Variants in CD274 observed in about 807,000 individuals in gnomAD.
CD274 encodes the protein programmed cell death 1 ligand 1.
CD274 carries 8 observed loss-of-function variants against 30.1 expected under a neutral mutation model. The ratio of observed to expected loss-of-function variants is 0.27; its 90% CI spans 0.16 to 0.48. The LOEUF (loss-of-function observed/expected upper bound fraction) is 0.48, where lower values mean the gene tolerates loss of function less well. Ranked by LOEUF, CD274 falls within the 20% of genes least tolerant of loss-of-function variation. The pLI is 0.99. For missense variants in CD274, 353 were observed against 346.6 expected, an observed-to-expected ratio of 1.02 and a Z score of -0.15; for synonymous variants, 152 against 124.6, an observed-to-expected ratio of 1.22 and a Z score of -1.46.
intron 4 of CD274, among the ~76,000 whole-genome samples, chr9:5,464,956 G>A (rs1442136820): frequency 6.6e-6 from 1 of 151,982 alleles, no homozygotes; most frequent in East Asian, 1.9e-4. Context: ...GTGTGGTGGT[G>A]TGCACCTGTA....
intron 1 of CD274, 75 bp from the exon 2 acceptor site, chr9:5,456,025 C>A (rs1233241269): frequency 1.2e-6 from 1 of 862,724 alleles, no homozygotes; most frequent in East Asian, 2.5e-5. Context: ...GTTAGAACCA[C>A]CAAGTCCCAT....
At chr9:5,462,135 T>G (rs1399085328) in intron 3 of CD274, among the ~76,000 whole-genome samples, 2 of 152,134 alleles carry the variant, frequency 1.3e-5, no homozygotes, top group Non-Finnish European at 2.9e-5. Context: ...AAGAACAAAT[T>G]TAAACATTAA....
intron 2 of CD274, 46 bp downstream of exon 2, chr9:5,456,211 TA>T: frequency 7.9e-7 from 1 of 1,258,450 alleles, no homozygotes; most frequent in South Asian, 1.3e-5. Flanking sequence ...TTAAATATTT[TA>T]ACCATGAGTT....
At position 5,467,884 on chromosome 9, in the gene CD274, C is replaced by T; in HGVS notation, c.*22C>T. 1 of 1,601,702 alleles carries T rather than the reference C, an allele frequency of 6.2e-7. No individual in the cohort carries two copies. The highest frequency in any genetic ancestry group is 8.6e-7 in the Non-Finnish European group (1 of 1,168,710). On this transcript the variant is annotated 3_prime_UTR_variant, in exon 7 of 7. Coordinates refer to ENST00000381577, the MANE Select transcript of CD274 (RefSeq NM_014143.4). ...GTAATCCAGCATTGGAACTTCTGATCTTCAAGCAGGGATTCTCAACCTGTG... is the reference window on the plus strand; with the variant it reads ...GTAATCCAGCATTGGAACTTCTGATTTTCAAGCAGGGATTCTCAACCTGTG...
Position 5,459,202 on chromosome 9 carries a change from A to G in CD274, c.394+1782A>G, listed in dbSNP as rs944458305. Among the ~76,000 whole-genome samples, 3 of 152,204 alleles carry G rather than the reference A, an allele frequency of 2.0e-5. No homozygotes were observed. The East Asian group carries it at 5.8e-4, about 29-fold the overall frequency. On this transcript the variant is annotated intron_variant, in intron 3 of 6. Coordinates refer to ENST00000381577, the MANE Select transcript of CD274 (RefSeq NM_014143.4). ...GGGAGTTCTTCCTGGAGCAAAGCAA[A>G]TGACCAACCAGGTTTGAGGACCTGA... is the stretch of plus-strand genomic sequence containing the variant.
chr9:5,466,572 G>A (rs572639726), intron 5 of CD274, among the ~76,000 whole-genome samples, 198 bp from the exon 6 acceptor site: 92 of 152,016 alleles, frequency 6.1e-4, no homozygotes, highest in Non-Finnish European at 7.4e-5. Flanking sequence ...TACTCCTCAA[G>A]AACATCTAGG....
At chr9:5,454,958 C>T (rs1819274321) in intron 1 of CD274, among the ~76,000 whole-genome samples, 1 of 151,886 alleles carries the variant, frequency 6.6e-6, no homozygotes, top group Non-Finnish European at 1.5e-5. Context: ...ATGTTATGAC[C>T]TTTCACTTTT....
Position 5,450,803 on chromosome 9 carries a change from G to A in CD274, c.-15+207G>A, listed in dbSNP as rs115818896. On this transcript the variant is annotated intron_variant, in intron 1 of 6. Transcript: ENST00000381577. ...CAATGCATCTGGCCTTCCTCCAGGC[G>A]CGATTCAGTTTTGCTCTAAAAATAA... Among the ~76,000 whole-genome samples the A allele has an allele frequency of 1.5e-3, 227 of 152,322 alleles. 1 individual carries two copies. The highest frequency in any genetic ancestry group is 4.9e-3 in the African/African-American group (202 of 41,574).
chr9:5,455,927 A>T (rs1387668617), intron 1 of CD274, among the ~76,000 whole-genome samples, 173 bp from the exon 2 acceptor site: 1 of 152,162 alleles, frequency 6.6e-6, no homozygotes, highest in East Asian at 1.9e-4. Flanking sequence ...GGCTGTGGGC[A>T]ATGGAATGAA....
chr9:5,462,988 T>C lies in CD274; in HGVS notation c.549T>C (p.Asn183=), dbSNP rs199878088. Residue 183 remains asparagine, a synonymous_variant, in exon 4 of 7, where the codon AAT becomes AAC. Transcript: ENST00000381577. ...TGAGTGGTAAGACCACCACCACCAA[T>C]TCCAAGAGAGAGGAGAAGCTTTTCA... ...QVLSGKTTTT[N]SKREEKLFNV... 1.2e-6 allele frequency: 2 copies of C among 1,614,022 alleles called. No individual in the cohort carries two copies. The highest frequency in any genetic ancestry group is 8.5e-7 in the Non-Finnish European group (1 of 1,179,942).
intron 1 of CD274, among the ~76,000 whole-genome samples, chr9:5,451,000 G>C (rs1042867068): frequency 1.3e-5 from 2 of 152,188 alleles, no homozygotes; most frequent in African/African-American, 4.8e-5. Flanking sequence ...CCCAGCTGCA[G>C]CATCTAAGTA....
rs761425208 is a variant in CD274, at chr9:5,465,552, G to A, written c.736G>A (p.Ala246Thr). 3.3e-5 allele frequency: 54 copies of A among 1,612,440 alleles called. No homozygotes were observed. Among genetic ancestry groups the A allele is most frequent in the Non-Finnish European group, 4.5e-5 (53 of 1,178,632 alleles). The change falls in exon 5 of 7, where the codon GCC (alanine) becomes ACC (threonine). Residue 246 changes from alanine to threonine, a missense_variant. Transcript: ENST00000381577. The part of the protein sequence containing the change: ...NERTHLVILG[A>T]ILLCLGVALT... ...AAGGACTCACTTGGTAATTCTGGGAGCCATCTTATTATGCCTTGGTGTAGC... is the reference window on the plus strand; with the variant it reads ...AAGGACTCACTTGGTAATTCTGGGAACCATCTTATTATGCCTTGGTGTAGC...
rs1219492656 is a variant in CD274, at chr9:5,466,768, AG to A, written c.792del. 1 of 1,609,124 alleles carries A rather than the reference AG, an allele frequency of 6.2e-7. No homozygotes were observed. Among genetic ancestry groups the A allele is most frequent in the East Asian group, 2.2e-5 (1 of 44,798 alleles). On this transcript the variant is annotated splice_acceptor_variant, in intron 5 of 6. Coordinates refer to ENST00000381577, the MANE Select transcript of CD274 (RefSeq NM_014143.4). LOFTEE classifies it high-confidence loss of function. Reference sequence around the variant, plus strand: ...AAATAAAAATGATTTCTTTTTCTCAAGGGAGAATGATGGATGTGAAAAAATG... The same window carrying A: ...AAATAAAAATGATTTCTTTTTCTCAAGGAGAATGATGGATGTGAAAAAATG...
intron 2 of CD274, 55 bp from the exon 3 acceptor site, chr9:5,457,024 G>A (rs1437207083): frequency 1.6e-6 from 2 of 1,268,964 alleles, no homozygotes; most frequent in Non-Finnish European, 2.2e-6. Flanking sequence ...TGCCAATTTT[G>A]TAAATGTTTC....
chr9:5,452,516 G>A (rs572603452), intron 1 of CD274, among the ~76,000 whole-genome samples: 12 of 152,210 alleles, frequency 7.9e-5, no homozygotes, highest in African/African-American at 2.4e-4. Context: ...ATTCACATAT[G>A]GTCATAATTC....
Position 5,468,803 on chromosome 9 carries a change from C to T in CD274, c.*941C>T, listed in dbSNP as rs1374874864. ...AAATAGCAGACCTCAGACTGCCACC[C>T]ACTGTCCTTTTATAATACAATTTAC... is the stretch of plus-strand genomic sequence containing the variant. On this transcript the variant is annotated 3_prime_UTR_variant, in exon 7 of 7. Transcript: ENST00000381577. The T allele has an allele frequency of 4.3e-6, 1 of 232,984 alleles. No individual in the cohort carries two copies. The highest frequency in any genetic ancestry group is 2.2e-5 in the African/African-American group (1 of 45,342). 14.4% of individuals were successfully genotyped at this position (232,984 alleles called of 1,614,324 possible).
chr9:5,458,879 T>C (rs1308016311), intron 3 of CD274, among the ~76,000 whole-genome samples: 1 of 152,160 alleles, frequency 6.6e-6, no homozygotes, highest in Non-Finnish European at 1.5e-5. Flanking sequence ...TGTTCCAAGA[T>C]ATTAAAGAAA....
chr9:5,455,172 G>A (rs951976600), intron 1 of CD274, among the ~76,000 whole-genome samples: 5 of 152,168 alleles, frequency 3.3e-5, no homozygotes, highest in East Asian at 1.9e-4. Context: ...GTAAATATAT[G>A]TATAACAGAA....
chr9:5,465,837 G>C, intron 5 of CD274: 1 of 304,740 alleles, frequency 3.3e-6, no homozygotes, highest in East Asian at 5.1e-5. Flanking sequence ...GTGTCATACA[G>C]TTTTTTTCTA....
Sources: allele counts gnomAD v4.1 joint callset (sites outside exome capture counted in the v4.1 genomes callset), GRCh38; gene constraint gnomAD v4.1.1; transcripts MANE v1.5; gene names NCBI Gene and HGNC (gene_info 2026-07-23, HGNC 2026-07-21).